The following WWOX variants were observed in gnomAD, a reference collection of about 807,000 sequenced individuals.
The protein encoded by WWOX is WW domain-containing oxidoreductase.
In WWOX, 69 loss-of-function variants were observed where a neutral mutation model predicts 46.2. The observed-to-expected ratio is 1.49, with a 90% CI of 1.23 to 1.82. The LOEUF (loss-of-function observed/expected upper bound fraction) is 1.82. Among genes scored for constraint, WWOX ranks in the 40% most tolerant of loss-of-function variants. WWOX has a pLI of 0.00. For synonymous variants in WWOX, 359 were observed against 202.6 expected (o/e 1.77, Z -6.56); for missense variants, 919 against 542.6 (o/e 1.69, Z -6.89).
chr16:78,722,269 C>T (rs2048711265), intron 8 of WWOX, among the ~76,000 whole-genome samples: 1 of 152,164 alleles, frequency 6.6e-6, no homozygotes, highest in East Asian at 1.9e-4. Context: ...TCAGTCCTAG[C>T]TCTGGCGCTT....
intron 8 of WWOX, among the ~76,000 whole-genome samples, chr16:79,064,871 C>A (rs1249358785): frequency 7.2e-5 from 11 of 152,164 alleles, no homozygotes; most frequent in Non-Finnish European, 1.2e-4. Flanking sequence ...GGAAGAGAGA[C>A]AAGAATGTGC....
intron 8 of WWOX, among the ~76,000 whole-genome samples, chr16:78,471,342 G>A (rs558302231): frequency 1.3e-5 from 2 of 152,204 alleles, no homozygotes; most frequent in African/African-American, 2.4e-5. Context: ...GATGCTTTGC[G>A]AATGTAACAG....
chr16:79,059,933 C>A (rs1250400994), intron 8 of WWOX, among the ~76,000 whole-genome samples: 1 of 152,150 alleles, frequency 6.6e-6, no homozygotes, highest in African/African-American at 2.4e-5. Flanking sequence ...AGAAATGCTG[C>A]TTTTGGTACA....
At chr16:78,637,192 C>T (rs753913125) in intron 8 of WWOX, among the ~76,000 whole-genome samples, 5 of 152,118 alleles carry the variant, frequency 3.3e-5, no homozygotes, top group Admixed American at 6.6e-5. Context: ...GAGGCTGAAG[C>T]GGGCAGATCA....
At chr16:78,357,922 G>A (rs1421617049) in intron 5 of WWOX, among the ~76,000 whole-genome samples, 1 of 152,144 alleles carries the variant, frequency 6.6e-6, no homozygotes, top group Non-Finnish European at 1.5e-5. Context: ...CCTAAGCGGT[G>A]GACGCATTGA....
At chr16:78,476,076 G>C (rs567944696) in intron 8 of WWOX, among the ~76,000 whole-genome samples, 1 of 152,056 alleles carries the variant, frequency 6.6e-6, no homozygotes, top group Admixed American at 6.6e-5. Context: ...ATTGCCCCTG[G>C]AATCCCATCT....
chr16:78,956,116 C>T (rs1433090439), intron 8 of WWOX, among the ~76,000 whole-genome samples: 1 of 152,044 alleles, frequency 6.6e-6, no homozygotes, highest in East Asian at 1.9e-4. Context: ...TCTACATCCC[C>T]ACTAGATCCA....
chr16:78,952,191 C>G (rs549359730), intron 8 of WWOX, among the ~76,000 whole-genome samples: 1 of 152,116 alleles, frequency 6.6e-6, no homozygotes, highest in South Asian at 2.1e-4. Flanking sequence ...TGCAGCAGGG[C>G]TTTTGCACAT....
chr16:78,602,877 A>G (rs565694252), intron 8 of WWOX, among the ~76,000 whole-genome samples: 16 of 152,244 alleles, frequency 1.1e-4, no homozygotes, highest in Non-Finnish European at 2.1e-4. Flanking sequence ...ATTTTTGCCA[A>G]TCCTGAGACT....
At chr16:78,837,724 T>C (rs767752796) in intron 8 of WWOX, among the ~76,000 whole-genome samples, 1 of 152,182 alleles carries the variant, frequency 6.6e-6, no homozygotes. Flanking sequence ...GAATTTCTAT[T>C]TATTATTTTG....
At chr16:78,443,547 A>AT (rs1367960268) in intron 8 of WWOX, among the ~76,000 whole-genome samples, 1 of 152,000 alleles carries the variant, frequency 6.6e-6, no homozygotes, top group Non-Finnish European at 1.5e-5. Context: ...TCATCAATGT[A>AT]TTTTTTCTGC....
chr16:78,644,981 C>G (rs934001221), intron 8 of WWOX, among the ~76,000 whole-genome samples: 4 of 152,118 alleles, frequency 2.6e-5, no homozygotes, highest in African/African-American at 7.2e-5. Flanking sequence ...AGTTTTGGTT[C>G]TACTCTTCAA....
chr16:78,419,954 T>A (rs1260817916), intron 6 of WWOX, among the ~76,000 whole-genome samples: 2 of 152,096 alleles, frequency 1.3e-5, no homozygotes, highest in Non-Finnish European at 2.9e-5. Flanking sequence ...AAAACTCATT[T>A]AAAAAATGAG....
chr16:78,658,418 G>C (rs899647187), intron 8 of WWOX, among the ~76,000 whole-genome samples: 1 of 152,172 alleles, frequency 6.6e-6, no homozygotes, highest in African/African-American at 2.4e-5. Context: ...ATGTAGTGTA[G>C]TTTCCCAGGG....
At chr16:78,171,594 C>T (rs1009423875) in intron 5 of WWOX, among the ~76,000 whole-genome samples, 5 of 152,064 alleles carry the variant, frequency 3.3e-5, no homozygotes, top group Admixed American at 6.5e-5. Context: ...GGCTTATCTC[C>T]ATTGTTCTGA....
chr16:78,891,167 C>T (rs545156393), intron 8 of WWOX: 8 of 152,152 alleles, frequency 5.3e-5, no homozygotes, highest in Non-Finnish European at 1.0e-4. Context: ...TTTCTGCCTG[C>T]CCCTTCTTTC....
At chr16:78,356,070 C>CAAAAAAA (rs1567520572) in intron 5 of WWOX, among the ~76,000 whole-genome samples, 1 of 9,592 alleles carries the variant, frequency 1.0e-4, no homozygotes, top group Admixed American at 1.2e-3. Context: ...TTTTTTTTTC[C>CAAAAAAA]TAAAAAAAAA....
chr16:78,501,233 C>A (rs2085060042), intron 8 of WWOX, among the ~76,000 whole-genome samples: 1 of 128,590 alleles, frequency 7.8e-6, no homozygotes, highest in Admixed American at 9.6e-5. Context: ...GCAGCACCTG[C>A]ATGTTGTAAA....
At chr16:79,104,037 T>TGGGGGGGGGGGGGGGGGGGGGGGGGGG (rs58934537) in intron 8 of WWOX, among the ~76,000 whole-genome samples, 1 of 38,326 alleles carries the variant, frequency 2.6e-5, no homozygotes, top group African/African-American at 6.9e-5. Flanking sequence ...TGCCCTTTTT[T>TGGGGGGGGGGGGGGGGGGGGGGGGGGG]GGGGGGGGGG....
Sources: allele counts gnomAD v4.1 joint callset (sites outside exome capture counted in the v4.1 genomes callset), GRCh38; gene constraint gnomAD v4.1.1; transcripts MANE v1.5; gene names NCBI Gene and HGNC (gene_info 2026-07-23, HGNC 2026-07-21).